Variants in RAD52 observed in about 807,000 individuals in gnomAD.
RAD52 encodes RAD52 DNA repair protein.
A neutral mutation model predicts 55.5 loss-of-function variants in RAD52; 47 were observed. The observed-to-expected ratio is 0.85, with a 90% CI of 0.67 to 1.08. The LOEUF (loss-of-function observed/expected upper bound fraction) is 1.08, where lower values mean the gene tolerates loss of function less well. Ranked by LOEUF, RAD52 falls within the 50% of genes least tolerant of loss-of-function variation. The pLI is 0.00. For missense variants in RAD52, 468 were observed against 522.8 expected, an observed-to-expected ratio of 0.90 and a Z score of 1.02; for synonymous variants, 184 against 198.9, an observed-to-expected ratio of 0.92 and a Z score of 0.63.
At chr12:978,376 C>G in intron 1 of RAD52, among the ~76,000 whole-genome samples, 1 of 151,702 alleles carries the variant, frequency 6.6e-6, no homozygotes, top group East Asian at 2.0e-4. Flanking sequence ...AAACTACATA[C>G]AATTAAGGAT....
At chr12:916,145 C>T (rs1956357930) in intron 9 of RAD52, 199 bp downstream of exon 9, 1 of 1,296,356 alleles carries the variant, frequency 7.7e-7, no homozygotes, top group Non-Finnish European at 9.9e-7. Flanking sequence ...AAATCATTGT[C>T]TTTAGAAACG....
intron 5 of RAD52, chr12:929,538 G>A: frequency 4.8e-6 from 3 of 621,578 alleles, no homozygotes; most frequent in Non-Finnish European, 8.7e-6. Flanking sequence ...ATTTTAAAAT[G>A]TCAGATTTTA....
At chr12:941,055 A>T (rs898169221) in intron 1 of RAD52, among the ~76,000 whole-genome samples, 9 of 152,192 alleles carry the variant, frequency 5.9e-5, no homozygotes, top group African/African-American at 2.2e-4. Flanking sequence ...TTACAGATTT[A>T]AGAAGCTCTG....
intron 1 of RAD52, among the ~76,000 whole-genome samples, chr12:978,343 A>C (rs1279245514): frequency 6.6e-6 from 1 of 152,034 alleles, no homozygotes; most frequent in East Asian, 1.9e-4. Context: ...GTGAGCCACC[A>C]CGCCCGGCCG....
rs914917688 is a variant in RAD52, at chr12:930,412, A to G, written c.187-268T>C. On this transcript the variant is annotated intron_variant, in intron 3 of 11. Coordinates refer to ENST00000358495, the MANE Select transcript of RAD52 (RefSeq NM_134424.4). ...AATTTTTTTTTCAAGAAAATTCTCA[A>G]TGAATTTATTTCAAAAATCTTCTAG... Among the ~76,000 whole-genome samples, 7 of 152,078 alleles carry G rather than the reference A, an allele frequency of 4.6e-5. No homozygotes were observed. In the East Asian group the frequency reaches 1.2e-3, roughly 25 times the overall value.
intron 1 of RAD52, among the ~76,000 whole-genome samples, chr12:987,813 T>G (rs1270636055): frequency 2.0e-5 from 3 of 152,238 alleles, no homozygotes; most frequent in Non-Finnish European, 4.4e-5. Flanking sequence ...CTGCCTGCCT[T>G]GGCCTCCTAA....
chr12:973,652 A>AT (rs752030797), intron 1 of RAD52, among the ~76,000 whole-genome samples: 10 of 150,612 alleles, frequency 6.6e-5, no homozygotes, highest in Non-Finnish European at 1.0e-4. Flanking sequence ...TAAATTTTGT[A>AT]TTTTTTGTAG....
At chr12:954,574 C>T (rs929890546), upstream of RAD52, among the ~76,000 whole-genome samples, 1 of 152,172 alleles carries the variant, frequency 6.6e-6, no homozygotes, top group Non-Finnish European at 1.5e-5. Context: ...GTGGAGGTTG[C>T]ATTGAGCTGA....
chr12:916,169 C>T (rs1391768481), intron 9 of RAD52, 175 bp downstream of exon 9: 1 of 1,366,634 alleles, frequency 7.3e-7, no homozygotes, highest in East Asian at 2.8e-5. Flanking sequence ...AAATGTACAG[C>T]AGATTTAAAT....
At chr12:941,692 GCACTATCTCAGCT>G (rs1484754210) in intron 1 of RAD52, among the ~76,000 whole-genome samples, 6 of 151,918 alleles carry the variant, frequency 3.9e-5, no homozygotes, top group Non-Finnish European at 7.4e-5. Flanking sequence ...GAGTGCAATG[GCACTATCTCAGCT>G]CACTGCAACC....
chr12:962,354 T>G (rs1196210531), intron 1 of RAD52, among the ~76,000 whole-genome samples: 1 of 151,540 alleles, frequency 6.6e-6, no homozygotes, highest in Admixed American at 6.6e-5. Flanking sequence ...TTTTTTTTTT[T>G]TTTTGAGACG....
intron 1 of RAD52, among the ~76,000 whole-genome samples, chr12:972,494 T>C (rs61917243): frequency 0.18 from 27,624 of 151,198 alleles, 2,747 homozygotes; most frequent in Non-Finnish European, 0.22. Flanking sequence ...AGGCCAGGCG[T>C]GGTGGCTCAC....
At chr12:939,045 C>G (rs570748967) in intron 1 of RAD52, among the ~76,000 whole-genome samples, 1 of 86,242 alleles carries the variant, frequency 1.2e-5, no homozygotes, top group Non-Finnish European at 2.3e-5. Flanking sequence ...TCAATTCATT[C>G]AACTAATTGT....
Position 924,931 on chromosome 12 carries a change from C to G in RAD52, c.543+519G>C, listed in dbSNP as rs191887320. 3.1e-3 allele frequency among the ~76,000 whole-genome samples: 460 copies of G among 149,202 alleles called. 1 individual carries two copies. Among genetic ancestry groups the G allele is most frequent in the Non-Finnish European group, 5.1e-3 (343 of 67,736 alleles). On this transcript the variant is annotated intron_variant, in intron 7 of 11. Transcript: ENST00000358495. ...ACACAAATTCTCTAGACCTCACATT[C>G]TTGTCAAATGGTGTGATTTTTTTTT... is the stretch of plus-strand genomic sequence containing the variant.
At chr12:963,090 A>G (rs937839305) in intron 1 of RAD52, among the ~76,000 whole-genome samples, 4 of 152,208 alleles carry the variant, frequency 2.6e-5, no homozygotes, top group African/African-American at 9.6e-5. Flanking sequence ...TAAATGAAAT[A>G]CTGAAACAAA....
At chr12:973,596 G>A in intron 1 of RAD52, among the ~76,000 whole-genome samples, 1 of 149,634 alleles carries the variant, frequency 6.7e-6, no homozygotes, top group East Asian at 2.0e-4. Context: ...TCCTGCCCCA[G>A]CCTCCCGAGT....
At chr12:973,029 TG>T (rs1182094542) in intron 1 of RAD52, among the ~76,000 whole-genome samples, 2 of 152,052 alleles carry the variant, frequency 1.3e-5, no homozygotes, top group African/African-American at 4.8e-5. Context: ...TTTTAAATCA[TG>T]GGGGGAAAGG....
chr12:915,433 A>G (rs776877511), intron 9 of RAD52, among the ~76,000 whole-genome samples: 1 of 152,218 alleles, frequency 6.6e-6, no homozygotes, highest in Non-Finnish European at 1.5e-5. Flanking sequence ...AATCTGCTTC[A>G]CAATTTGTAG....
chr12:912,303 TAA>T lies in RAD52; in HGVS notation c.*1086_*1087del. ...CATACAACAGTTTATGCAGCGACCCTAAGAGAAAAAAAAACCCAGCCCTCTTC... is the reference window on the plus strand; with the variant it reads ...CATACAACAGTTTATGCAGCGACCCTGAGAAAAAAAAACCCAGCCCTCTTC... On this transcript the variant is annotated 3_prime_UTR_variant, in exon 12 of 12. Transcript: ENST00000358495. 5.0e-6 allele frequency: 1 copy of T among 198,622 alleles called. No individual in the cohort carries two copies. The highest frequency in any genetic ancestry group is 1.0e-5 in the Non-Finnish European group (1 of 96,052). The allele number at this position is 198,622 out of a possible 1,614,324, so 12.3% of individuals were successfully genotyped here.
Sources: gnomAD v4.1 joint callset for allele counts (sites outside exome capture counted in the v4.1 genomes callset) on GRCh38, gnomAD v4.1.1 for gene constraint, MANE v1.5 for transcripts, NCBI Gene and HGNC (gene_info 2026-07-23, HGNC 2026-07-21) for gene names.